The following TTC7A variants were observed in gnomAD, a reference collection of about 807,000 sequenced individuals.
TTC7A encodes tetratricopeptide repeat protein 7A.
In TTC7A, 110 loss-of-function variants were observed where a neutral mutation model predicts 103.7. The observed-to-expected ratio is 1.06, with a 90% confidence interval of 0.91 to 1.24. The LOEUF is 1.24. Ranked by LOEUF, TTC7A falls within the 50% of genes most tolerant of loss-of-function variation. The probability of loss-of-function intolerance (pLI) is 0.00; values close to 1 mark genes in which losing one functional copy is unlikely to be tolerated. For missense variants in TTC7A, 1,340 were observed against 1,116.3 expected (o/e 1.20, Z -2.86); for synonymous variants, 521 against 467.9 (o/e 1.11, Z -1.47).
At chr2:46,921,857 C>T (rs776267758) in intron 2 of TTC7A, among the ~76,000 whole-genome samples, 2 of 151,896 alleles carry the variant, frequency 1.3e-5, no homozygotes, top group South Asian at 2.1e-4. Flanking sequence ...AATCTCATGC[C>T]GCCACCGCTG....
Position 46,997,641 on chromosome 2 carries a change from G to A in TTC7A, c.1065+2442G>A, listed in dbSNP as rs181870861. Among the ~76,000 whole-genome samples the A allele has an allele frequency of 6.7e-4, 102 of 152,218 alleles. 1 individual carries two copies. The highest frequency in any genetic ancestry group is 5.8e-3 in the South Asian group (28 of 4,822). On this transcript the variant is annotated intron_variant, in intron 8 of 19. Coordinates refer to ENST00000319190, the MANE Select transcript of TTC7A (RefSeq NM_020458.4). ...CAGTTTCCAAGCCCCAGGACGCAGG[G>A]CTCCTGGACTTCCATCCTGGTACTT...
chr2:46,933,269 A>C (rs1277310410), intron 2 of TTC7A, among the ~76,000 whole-genome samples: 1 of 152,232 alleles, frequency 6.6e-6, no homozygotes, highest in African/African-American at 2.4e-5. Flanking sequence ...CAGTGCCTGG[A>C]GAGATATTGG....
At chr2:46,945,083 T>G (rs1033467215) in intron 1 of TTC7A, among the ~76,000 whole-genome samples, 1 of 152,184 alleles carries the variant, frequency 6.6e-6, no homozygotes, top group Non-Finnish European at 1.5e-5. Flanking sequence ...TTTGCTGTGC[T>G]TGCTTTATTA....
At chr2:46,917,307 C>A in intron 2 of TTC7A, 1 of 648,908 alleles carries the variant, frequency 1.5e-6, no homozygotes, top group South Asian at 1.7e-5. Flanking sequence ...CAAAGAATCC[C>A]TAAGTTTTGA....
chr2:46,924,461 T>C (rs2103815362), intron 2 of TTC7A, among the ~76,000 whole-genome samples: 1 of 152,278 alleles, frequency 6.6e-6, no homozygotes, highest in African/African-American at 2.4e-5. Flanking sequence ...TTGTGAAGAA[T>C]TTATATTTTG....
chr2:47,044,492 A>G (rs891456118), intron 15 of TTC7A, among the ~76,000 whole-genome samples: 3 of 152,176 alleles, frequency 2.0e-5, no homozygotes, highest in African/African-American at 7.2e-5. Context: ...GTGTCCTGCC[A>G]GCTGTGCACT....
intron 2 of TTC7A, among the ~76,000 whole-genome samples, chr2:46,930,577 G>A (rs1315677190): frequency 6.7e-6 from 1 of 148,454 alleles, no homozygotes; most frequent in East Asian, 2.0e-4. Context: ...TTGGCTCACT[G>A]CAACCTCTGC....
chr2:47,000,509 G>A (rs767679712), intron 8 of TTC7A, among the ~76,000 whole-genome samples: 17 of 152,198 alleles, frequency 1.1e-4, no homozygotes, highest in Non-Finnish European at 2.4e-4. Flanking sequence ...GCAGGAGCTC[G>A]GAGGCTGGCG....
intron 10 of TTC7A, among the ~76,000 whole-genome samples, chr2:47,008,083 G>T (rs778281607): frequency 2.0e-5 from 3 of 152,218 alleles, no homozygotes; most frequent in Non-Finnish European, 2.9e-5. Flanking sequence ...GACAGGGCCG[G>T]GAGGAGGTGG....
At chr2:47,051,513 TG>T (rs1489176174) in intron 17 of TTC7A, among the ~76,000 whole-genome samples, 8 of 152,224 alleles carry the variant, frequency 5.3e-5, no homozygotes, top group Non-Finnish European at 1.2e-4. Flanking sequence ...TAGATCCTAG[TG>T]GGATCTCTGC....
intron 3 of TTC7A, among the ~76,000 whole-genome samples, chr2:46,960,626 C>G (rs1672288701): frequency 6.6e-6 from 1 of 152,248 alleles, no homozygotes; most frequent in South Asian, 2.1e-4. Context: ...TGGTGAGACA[C>G]TGCCCTGGAA....
At position 47,051,874 on chromosome 2, in the gene TTC7A, C is replaced by T. The variant is rs762685822; in HGVS notation, c.2146C>T (p.Gln716Ter). 1.8e-5 allele frequency: 29 copies of T among 1,608,804 alleles called. No individual in the cohort carries two copies. The highest frequency in any genetic ancestry group is 2.4e-5 in the Non-Finnish European group (28 of 1,177,946). ...GACCACGCTGGAACAGATCTGGCTG[C>T]AGGCTGGTGAGTGCCCTGGTCCCAG... ...LWTTLEQIWL[Q>*]AAELFMEQQH... The change falls in exon 18 of 20, where the codon CAG becomes TAG. Residue 716 changes from glutamine (Q) to a stop codon, truncating the protein, a stop_gained. Coordinates refer to ENST00000319190, the MANE Select transcript of TTC7A (RefSeq NM_020458.4). LOFTEE classifies it high-confidence loss of function.
At chr2:47,019,151 C>G (rs13419319) in intron 11 of TTC7A, among the ~76,000 whole-genome samples, 1 of 152,162 alleles carries the variant, frequency 6.6e-6, no homozygotes, top group South Asian at 2.1e-4. Context: ...TATTGTCATA[C>G]TTAATAGAAT....
chr2:47,056,428 T>G lies in TTC7A; in HGVS notation c.2153-4341T>G, dbSNP rs376073356. 2.7e-4 allele frequency among the ~76,000 whole-genome samples: 41 copies of G among 152,294 alleles called. 2 individuals are homozygous for G. Among genetic ancestry groups the G allele is most frequent in the African/African-American group, 9.6e-4 (40 of 41,576 alleles). Reference sequence around the variant, plus strand: ...GAAGCACACTCACCTGGAGAAGCCCTAAGAGGCCTTGGGGGTGGGCCCAGG... The same window carrying G: ...GAAGCACACTCACCTGGAGAAGCCCGAAGAGGCCTTGGGGGTGGGCCCAGG... On this transcript the variant is annotated intron_variant, in intron 18 of 19. Transcript: ENST00000319190.
At chr2:46,995,104 C>T in intron 7 of TTC7A, 32 bp from the exon 8 acceptor site, 1 of 1,611,968 alleles carries the variant, frequency 6.2e-7, no homozygotes. Context: ...GAGGTGTGTG[C>T]TCTAGCCAGG....
intron 18 of TTC7A, among the ~76,000 whole-genome samples, chr2:47,059,013 T>A (rs1683553016): frequency 1.8e-5 from 1 of 54,666 alleles, no homozygotes; most frequent in Non-Finnish European, 3.5e-5. Flanking sequence ...AGCCTGCTTT[T>A]TTTTTTTTTT....
intron 3 of TTC7A, among the ~76,000 whole-genome samples, chr2:46,972,241 A>G (rs896380738): frequency 4.0e-5 from 6 of 150,824 alleles, no homozygotes; most frequent in Admixed American, 6.6e-5. Flanking sequence ...GTTTTTCCAT[A>G]CAGCATTAAT....
intron 5 of TTC7A, among the ~76,000 whole-genome samples, chr2:46,988,848 C>T (rs894910498): frequency 2.0e-5 from 3 of 152,108 alleles, no homozygotes; most frequent in Non-Finnish European, 2.9e-5. Flanking sequence ...TTGTGCTTGC[C>T]GTAAGCCTGC....
chr2:47,069,335 C>T (rs1684465769), intron 19 of TTC7A, among the ~76,000 whole-genome samples: 1 of 152,204 alleles, frequency 6.6e-6, no homozygotes, highest in Non-Finnish European at 1.5e-5. Context: ...CCCTTAGCCC[C>T]AGCTGAAGAG....
Sources: allele counts gnomAD v4.1 joint callset (sites outside exome capture counted in the v4.1 genomes callset), GRCh38; gene constraint gnomAD v4.1.1; transcripts MANE v1.5; gene names NCBI Gene and HGNC (gene_info 2026-07-23, HGNC 2026-07-21).